Variants in REXO1 observed in about 807,000 individuals in gnomAD.
The protein encoded by REXO1 is RNA exonuclease 1 homolog.
Under a neutral mutation model 102.6 loss-of-function variants are expected in REXO1, and 42 were observed. That is an observed-to-expected ratio of 0.41 (90% CI 0.32 to 0.53). The LOEUF (loss-of-function observed/expected upper bound fraction) is 0.53, where lower values mean the gene tolerates loss of function less well. Ranked by LOEUF, REXO1 falls within the 20% of genes least tolerant of loss-of-function variation. REXO1 has a pLI of 0.27. For synonymous variants in REXO1, 908 were observed against 779.1 expected, an observed-to-expected ratio of 1.17 and a Z score of -2.76; for missense variants, 1,819 against 1,732.5, an observed-to-expected ratio of 1.05 and a Z score of -0.89.
At chr19:1,818,024 G>A (rs1047252491) in intron 10 of REXO1, among the ~76,000 whole-genome samples, 2 of 152,334 alleles carry the variant, frequency 1.3e-5, no homozygotes, top group African/African-American at 4.8e-5. Flanking sequence ...GCTGCCCCGG[G>A]CAGCACCCTC....
At chr19:1,842,935 G>A (rs112515154) in intron 1 of REXO1, among the ~76,000 whole-genome samples, 1 of 152,166 alleles carries the variant, frequency 6.6e-6, no homozygotes, top group Non-Finnish European at 1.5e-5. Flanking sequence ...TTTTCCCATC[G>A]CCATCCACCT....
chr19:1,823,638 C>T lies in REXO1; in HGVS notation c.2164G>A (p.Val722Ile), dbSNP rs989626029. The T allele has an allele frequency of 9.2e-6, 12 of 1,308,666 alleles. No homozygotes were observed. The highest frequency in any genetic ancestry group is 3.0e-5 in the African/African-American group (2 of 65,922). The allele number at this position is 1,308,666 out of a possible 1,614,324, so 81.1% of individuals were successfully genotyped here. A position where few individuals can be genotyped will look rare whatever the true frequency, so the allele number is the denominator to read the frequency against. Residue 722 changes from valine to isoleucine, a missense_variant, in exon 4 of 16, where the codon GTC (valine) becomes ATC (isoleucine). Val to Ile is a conservative substitution (Grantham distance 29). Coordinates refer to ENST00000170168, the MANE Select transcript of REXO1 (RefSeq NM_020695.4). ...PARLAEKSPSVHISAPGEKRR... is the reference protein window; with the variant it reads ...PARLAEKSPSIHISAPGEKRR... ...TTCTCGCCAGGGGCGGAAATGTGGA[C>T]GGAGGGCGACTTCTCTGCCAGCCTG...
At position 1,827,844 on chromosome 19, in the gene REXO1, G is replaced by C. The variant is rs1334875614; in HGVS notation, c.945C>G (p.Ile315Met). 5 of 1,612,596 alleles carry C rather than the reference G, an allele frequency of 3.1e-6. No individual in the cohort carries two copies. The highest frequency in any genetic ancestry group is 1.7e-5 in the Admixed American group (1 of 59,950). ...STPKARADPE[I>M]KATGQPPSKE... ...TGGAGGGTGGCTGCCCGGTGGCCTT[G>C]ATCTCAGGGTCGGCCCTGGCTTTGG... Residue 315 changes from isoleucine (I) to methionine (M), a missense_variant, in exon 2 of 16, where the codon ATC becomes ATG. Physicochemically the swap from Ile to Met is conservative, Grantham distance 10. Coordinates refer to ENST00000170168, the MANE Select transcript of REXO1 (RefSeq NM_020695.4).
At chr19:1,820,973 T>C (rs1466142873) in intron 5 of REXO1, among the ~76,000 whole-genome samples, 1 of 148,042 alleles carries the variant, frequency 6.8e-6, no homozygotes, top group Non-Finnish European at 1.5e-5. Flanking sequence ...CACTCTAGCC[T>C]GGGCAACAGA....
rs1396488906 is a variant in REXO1 at position 1,821,879 on chromosome 19, G to T, written c.2231-197C>A. ...CTTCAGGCAAGTCCATCGAGGCAGA[G>T]GACACAGGTCAGGCTGCGGAGGCCG... On this transcript the variant is annotated intron_variant, in intron 4 of 15. Transcript: ENST00000170168. 7.0e-5 allele frequency: 42 copies of T among 601,838 alleles called. No individual in the cohort carries two copies. In the South Asian group the frequency reaches 7.8e-4, roughly 11 times the overall value. The allele number at this position is 601,838 out of a possible 1,614,324, so 37.3% of individuals were successfully genotyped here. A position where few individuals can be genotyped will look rare whatever the true frequency, so the allele number is the denominator to read the frequency against.
At chr19:1,821,057 C>T (rs1209891521) in intron 5 of REXO1, among the ~76,000 whole-genome samples, 1 of 148,798 alleles carries the variant, frequency 6.7e-6, no homozygotes, top group Non-Finnish European at 1.5e-5. Context: ...AAAAAAACAC[C>T]GCCAGGGCGG....
In REXO1 at chr19:1,821,682, GC is replaced by G; in HGVS notation, c.2231-1del. 6.2e-7 allele frequency: 1 copy of G among 1,609,804 alleles called. No homozygotes were observed. Among genetic ancestry groups the G allele is most frequent in the Non-Finnish European group, 8.5e-7 (1 of 1,179,002 alleles). On this transcript the variant is annotated splice_acceptor_variant, in intron 4 of 15. Transcript: ENST00000170168. LOFTEE classifies it high-confidence loss of function. The stretch of plus-strand genomic sequence containing the variant: ...AAGGGTCCTCTTGGCACCTGTGGGG[GC>G]TGGCGGGGCACAGGGGGTGTGGGCA...
chr19:1,841,069 C>T (rs887380406), intron 1 of REXO1, among the ~76,000 whole-genome samples: 7 of 152,190 alleles, frequency 4.6e-5, no homozygotes, highest in Admixed American at 2.6e-4. Flanking sequence ...GGGATCGCCC[C>T]GAAACAGCCA....
chr19:1,841,631 C>T (rs1222549807), intron 1 of REXO1, among the ~76,000 whole-genome samples: 2 of 152,232 alleles, frequency 1.3e-5, no homozygotes, highest in Non-Finnish European at 2.9e-5. Flanking sequence ...GGGGTACGGT[C>T]TCCAGAGGGA....
In REXO1 at chr19:1,815,606, A is replaced by T. The variant is rs961711452; in HGVS notation, c.*460T>A. ...CAGCAGGCCCGCTCTTCCCGGTGGG[A>T]AAGATGCTGTGCAAGTCATCAGGTT... On this transcript the variant is annotated 3_prime_UTR_variant, in exon 16 of 16. Transcript: ENST00000170168. This position sits in a 1 kb window ranked among gnomAD's most constrained non-coding sequence, Gnocchi z 4.0. 11 of 1,011,096 alleles carry T rather than the reference A, an allele frequency of 1.1e-5. No individual in the cohort carries two copies. The highest frequency in any genetic ancestry group is 4.0e-5 in the Admixed American group (1 of 24,768). 62.6% of individuals were successfully genotyped at this position (1,011,096 alleles called of 1,614,324 possible).
At chr19:1,836,913 C>T (rs752962528) in intron 1 of REXO1, among the ~76,000 whole-genome samples, 1 of 152,158 alleles carries the variant, frequency 6.6e-6, no homozygotes, top group Admixed American at 6.5e-5. Context: ...GCAGAGACCC[C>T]AGATGGAAAC....
chr19:1,837,054 G>A (rs2070060550), intron 1 of REXO1, among the ~76,000 whole-genome samples: 2 of 152,248 alleles, frequency 1.3e-5, no homozygotes, highest in Admixed American at 6.5e-5. Context: ...CTTTGAAGGT[G>A]GAGACAGAAG....
chr19:1,823,557 TG>T lies in REXO1; in HGVS notation c.2230+14del. 7.7e-7 allele frequency: 1 copy of T among 1,296,080 alleles called. No homozygotes were observed. Among genetic ancestry groups the T allele is most frequent in the Non-Finnish European group, 9.9e-7 (1 of 1,014,482 alleles). 80.3% of individuals were successfully genotyped at this position (1,296,080 alleles called of 1,614,324 possible). The stretch of plus-strand genomic sequence containing the variant: ...CCACGGCCCCCCGGCACAGGCCCCC[TG>T]GGCCAGGACTCACCTGCAGCCAGGC... On this transcript the variant is annotated intron_variant, in intron 4 of 15. Transcript: ENST00000170168.
intron 1 of REXO1, among the ~76,000 whole-genome samples, chr19:1,843,997 A>C (rs915667214): frequency 6.6e-6 from 1 of 152,154 alleles, no homozygotes; most frequent in Non-Finnish European, 1.5e-5. Context: ...TTCCGAGGAG[A>C]GCTGGCAAGC....
Position 1,815,741 on chromosome 19 carries a change from C to T in REXO1, c.*325G>A. On this transcript the variant is annotated 3_prime_UTR_variant, in exon 16 of 16. Transcript: ENST00000170168. This position sits in a 1 kb window ranked among gnomAD's most constrained non-coding sequence, Gnocchi z 4.0. ...CGTGAGGAGCAGAGGTGCCGGCCAC[C>T]ACCCGGGAGGGAGGGCCTGGCAGGA... The T allele has an allele frequency of 7.1e-7, 1 of 1,408,114 alleles. No individual in the cohort carries two copies. Among genetic ancestry groups the T allele is most frequent in the Non-Finnish European group, 9.3e-7 (1 of 1,078,554 alleles). The allele number at this position is 1,408,114 out of a possible 1,614,324, so 87.2% of individuals were successfully genotyped here.
At position 1,821,670 on chromosome 19, in the gene REXO1, G is replaced by C. The variant is rs144776423; in HGVS notation, c.2243C>G (p.Ala748Gly). ...NPRLAAAPTG[A>G]KRTLAASGSQ... is the part of the protein sequence containing the mutation. ...GCCGCTGGCCGCAAGGGTCCTCTTGGCACCTGTGGGGGCTGGCGGGGCACA... is the reference window on the plus strand; with the variant it reads ...GCCGCTGGCCGCAAGGGTCCTCTTGCCACCTGTGGGGGCTGGCGGGGCACA... Residue 748 changes from alanine (A) to glycine (G), a missense_variant, in exon 5 of 16, where the codon GCC becomes GGC. Transcript: ENST00000170168. The C allele has an allele frequency of 1.5e-5, 24 of 1,612,054 alleles. No individual in the cohort carries two copies. Among genetic ancestry groups the C allele is most frequent in the Non-Finnish European group, 2.0e-5 (24 of 1,179,604 alleles).
chr19:1,817,881 G>T, intron 10 of REXO1, 101 bp from the exon 11 acceptor site: 1 of 912,056 alleles, frequency 1.1e-6, no homozygotes, highest in Non-Finnish European at 1.7e-6. Flanking sequence ...TAGGGAGTGA[G>T]GACTGAGGAC....
intron 7 of REXO1, among the ~76,000 whole-genome samples, chr19:1,819,615 A>G (rs1355193201): frequency 1.3e-5 from 2 of 152,212 alleles, no homozygotes. Context: ...CCCAGAGCTT[A>G]ATGCATGGAG....
chr19:1,827,285 C>T lies in REXO1; in HGVS notation c.1504G>A (p.Glu502Lys), dbSNP rs768489095. Residue 502 changes from glutamate to lysine, a missense_variant, in exon 2 of 16, where the codon GAG becomes AAG. By Grantham distance (56) the Glu-to-Lys change is moderately conservative. Transcript: ENST00000170168. ...TTGGGGGCGTCCTGGGAGGCGCCCT[C>T]GTCTAGTGAGCGGGCTTTCCGCTCC... The part of the protein sequence containing the change: ...LVERKARSLD[E>K]GASQDAPKLK... 9 of 1,563,932 alleles carry T rather than the reference C, an allele frequency of 5.8e-6. No homozygotes were observed. In the African/African-American group the frequency reaches 6.8e-5, roughly 12 times the overall value.
Sources: allele counts gnomAD v4.1 joint callset (sites outside exome capture counted in the v4.1 genomes callset), GRCh38; gene constraint gnomAD v4.1.1; non-coding constraint Gnocchi (gnomAD v3.1); transcripts MANE v1.5; gene names NCBI Gene and HGNC (gene_info 2026-07-23, HGNC 2026-07-21).